CLEC16A: variants seen among roughly 807,000 people sequenced by gnomAD.
CLEC16A encodes protein CLEC16A.
Under a neutral mutation model 109.5 loss-of-function variants are expected in CLEC16A, and 51 were observed. The observed-to-expected ratio is 0.47, with a 90% CI of 0.37 to 0.59. The LOEUF (loss-of-function observed/expected upper bound fraction) is 0.59, where lower values mean the gene tolerates loss of function less well. Ranked by LOEUF, CLEC16A falls within the 20% of genes least tolerant of loss-of-function variation. The pLI is 0.00. For synonymous variants in CLEC16A, 673 were observed against 564.2 expected (o/e 1.19, Z -2.73); for missense variants, 1,339 against 1,394.0 (o/e 0.96, Z 0.63).
chr16:11,021,073 C>A (rs2046070789), intron 12 of CLEC16A, among the ~76,000 whole-genome samples: 1 of 152,222 alleles, frequency 6.6e-6, no homozygotes, highest in Non-Finnish European at 1.5e-5. Flanking sequence ...ATTTCTCTGT[C>A]AGCCTGCGAG....
chr16:11,075,836 G>A (rs1431452883), intron 19 of CLEC16A, among the ~76,000 whole-genome samples: 1 of 152,090 alleles, frequency 6.6e-6, no homozygotes, highest in African/African-American at 2.4e-5. Context: ...TGTGCCTGGC[G>A]TCTTGATAGA....
At chr16:10,997,491 CA>C (rs2152739871) in intron 10 of CLEC16A, among the ~76,000 whole-genome samples, 1 of 152,304 alleles carries the variant, frequency 6.6e-6, no homozygotes, top group East Asian at 1.9e-4. Flanking sequence ...CTTGCCTTTT[CA>C]AAGTTTTTTA....
chr16:11,138,494 G>C (rs2053672846), intron 22 of CLEC16A, among the ~76,000 whole-genome samples: 1 of 152,236 alleles, frequency 6.6e-6, no homozygotes, highest in Non-Finnish European at 1.5e-5. Flanking sequence ...TAACTGACTG[G>C]AGTTGGGAAG....
intron 22 of CLEC16A, among the ~76,000 whole-genome samples, chr16:11,165,264 G>A (rs1277192126): frequency 6.6e-6 from 1 of 152,084 alleles, no homozygotes; most frequent in East Asian, 1.9e-4. Context: ...GCTGAAGCAG[G>A]AGGATCACTT....
intron 11 of CLEC16A, among the ~76,000 whole-genome samples, chr16:11,007,105 G>A (rs901949535): frequency 1.5e-4 from 23 of 152,092 alleles, no homozygotes; most frequent in African/African-American, 5.3e-4. Flanking sequence ...ATATCCTAGG[G>A]ACTGAATCCT....
rs1203905954 is a variant in CLEC16A at position 10,954,944 on chromosome 16, C to G, written c.81-2838C>G. Among the ~76,000 whole-genome samples, 1 of 152,240 alleles carries G rather than the reference C, an allele frequency of 6.6e-6. No homozygotes were observed. Among genetic ancestry groups the G allele is most frequent in the African/African-American group, 2.4e-5 (1 of 41,454 alleles). ...TAATCTAATCACCATGGCAGCCAAG[C>G]CTGCTTCTGTTGAGCCCTTGCTCTG... On this transcript the variant is annotated intron_variant, in intron 1 of 23. Transcript: ENST00000409790. This position sits in a 1 kb window ranked among gnomAD's most constrained non-coding sequence, Gnocchi z 4.2.
At chr16:11,122,328 A>T (rs1438433636) in intron 20 of CLEC16A, among the ~76,000 whole-genome samples, 7 of 152,248 alleles carry the variant, frequency 4.6e-5, no homozygotes, top group Non-Finnish European at 1.0e-4. Context: ...ACTCCATGTA[A>T]GACATTATCC....
intron 2 of CLEC16A, among the ~76,000 whole-genome samples, chr16:10,959,541 A>G (rs2042156001): frequency 6.6e-6 from 1 of 151,572 alleles, no homozygotes; most frequent in African/African-American, 2.4e-5. Context: ...ACAGGCATGC[A>G]CCACCACGTG....
chr16:11,036,544 C>CTTTTTTTTTTTTTTTTTTTTTTTTTTTT (rs71404440), intron 13 of CLEC16A, among the ~76,000 whole-genome samples: 1 of 131,900 alleles, frequency 7.6e-6, no homozygotes, highest in African/African-American at 2.9e-5. Context: ...TCTAATTTTC[C>CTTTTTTTTTTTTTTTTTTTTTTTTTTTT]TTTTTTTTTT....
intron 16 of CLEC16A, among the ~76,000 whole-genome samples, chr16:11,045,727 G>C (rs756263633): frequency 6.6e-6 from 1 of 152,114 alleles, no homozygotes; most frequent in Non-Finnish European, 1.5e-5. Context: ...CCCTCTTAAC[G>C]TGGCTGATGA....
intron 23 of CLEC16A, among the ~76,000 whole-genome samples, chr16:11,170,729 A>G (rs1314806909): frequency 6.6e-6 from 1 of 152,182 alleles, no homozygotes; most frequent in Non-Finnish European, 1.5e-5. Flanking sequence ...CAGGATTAGG[A>G]TAAGTCCCTA....
At chr16:10,971,421 C>T (rs1205557864) in intron 5 of CLEC16A, 191 bp downstream of exon 5, 2 of 489,564 alleles carry the variant, frequency 4.1e-6, no homozygotes, top group South Asian at 8.8e-5. Flanking sequence ...TCCTTGCCTT[C>T]TCCAGGCATG....
At chr16:11,061,144 A>G (rs1391361398) in intron 19 of CLEC16A, 122 bp downstream of exon 19, 13 of 1,172,180 alleles carry the variant, frequency 1.1e-5, no homozygotes, top group Non-Finnish European at 1.5e-5. Context: ...ACTATTATTG[A>G]GCTGTGACCT....
chr16:10,979,700 G>A (rs2043213493), intron 9 of CLEC16A, among the ~76,000 whole-genome samples: 1 of 152,102 alleles, frequency 6.6e-6, no homozygotes, highest in African/African-American at 2.4e-5. Flanking sequence ...TGGAAATGTG[G>A]GCTGCATCGC....
At chr16:11,165,467 G>T (rs958637768) in intron 22 of CLEC16A, among the ~76,000 whole-genome samples, 19 of 152,116 alleles carry the variant, frequency 1.2e-4, no homozygotes, top group Admixed American at 2.6e-4. Flanking sequence ...ACTCCAGGCT[G>T]GGCAACAGAG....
intron 8 of CLEC16A, among the ~76,000 whole-genome samples, chr16:10,977,911 C>T (rs1292851770): frequency 1.4e-4 from 21 of 151,986 alleles, no homozygotes; most frequent in Admixed American, 1.4e-3. Flanking sequence ...TGTGAGAAGA[C>T]TATAAAAGTG....
intron 19 of CLEC16A, among the ~76,000 whole-genome samples, chr16:11,080,688 T>C (rs2049655653): frequency 6.6e-6 from 1 of 152,230 alleles, no homozygotes; most frequent in African/African-American, 2.4e-5. Flanking sequence ...TTGCCTTTTC[T>C]GGATTCTAAA....
intron 18 of CLEC16A, among the ~76,000 whole-genome samples, chr16:11,052,917 G>A (rs1244289129): frequency 1.3e-5 from 2 of 151,998 alleles, no homozygotes; most frequent in Non-Finnish European, 2.9e-5. Context: ...TGTTTTGGAG[G>A]CTGCAGTGAG....
intron 22 of CLEC16A, 24 bp from the exon 23 acceptor site, chr16:11,166,364 G>C (rs2068260554): frequency 6.3e-7 from 1 of 1,576,336 alleles, no homozygotes. Flanking sequence ...CTTCCACTTG[G>C]TCACCTGGTA....
Sources: allele counts gnomAD v4.1 joint callset (sites outside exome capture counted in the v4.1 genomes callset), GRCh38; gene constraint gnomAD v4.1.1; non-coding constraint Gnocchi (gnomAD v3.1); transcripts MANE v1.5; gene names NCBI Gene and HGNC (gene_info 2026-07-23, HGNC 2026-07-21).